CATSPER4: variants seen among roughly 807,000 people sequenced by gnomAD.
The protein encoded by CATSPER4 is cation channel sperm-associated protein 4.
A neutral mutation model predicts 54.4 loss-of-function variants in CATSPER4; 46 were observed. The ratio of observed to expected loss-of-function variants is 0.84; its 90% CI spans 0.67 to 1.08. The LOEUF (loss-of-function observed/expected upper bound fraction) is 1.08, where lower values mean the gene tolerates loss of function less well. CATSPER4 is among the 50% of genes least tolerant of loss of function. The probability of loss-of-function intolerance (pLI) is 0.00; values close to 1 mark genes in which losing one functional copy is unlikely to be tolerated. For missense variants in CATSPER4, 574 were observed against 612.8 expected (o/e 0.94, Z 0.67); for synonymous variants, 230 against 231.9 (o/e 0.99, Z 0.08).
intron 3 of CATSPER4, among the ~76,000 whole-genome samples, 193 bp downstream of exon 3, chr1:26,194,081 A>C (rs889223692): frequency 6.6e-6 from 1 of 152,182 alleles, no homozygotes; most frequent in Non-Finnish European, 1.5e-5. Context: ...CTGGGCTCCA[A>C]TTCCAATCCC....
At chr1:26,190,900 C>T in intron 1 of CATSPER4, 60 bp downstream of exon 1, 1 of 1,490,216 alleles carries the variant, frequency 6.7e-7, no homozygotes, top group Non-Finnish European at 9.2e-7. Flanking sequence ...GGGCAGCAGG[C>T]CCTCATGGTA....
At chr1:26,200,687 G>A in intron 7 of CATSPER4, 143 bp from the exon 8 acceptor site, 4 of 683,978 alleles carry the variant, frequency 5.8e-6, no homozygotes, top group Middle Eastern at 3.9e-4. Context: ...GCAAGGCAGT[G>A]AGGCTAAGAT....
intron 3 of CATSPER4, among the ~76,000 whole-genome samples, chr1:26,196,169 G>A (rs1327050439): frequency 2.4e-5 from 3 of 124,888 alleles, no homozygotes. Flanking sequence ...TTTCTTTAGA[G>A]ATGAGGTCTT....
chr1:26,199,431 C>CAAA (rs557579569), intron 6 of CATSPER4, among the ~76,000 whole-genome samples: 1 of 101,726 alleles, frequency 9.8e-6, no homozygotes, highest in African/African-American at 3.6e-5. Context: ...GACTCTGTCT[C>CAAA]AAAAAAAAAA....
rs749399581 is a variant in CATSPER4, at chr1:26,200,950, T to C, written c.1108T>C (p.Ser370Pro). 1 of 1,614,012 alleles carries C rather than the reference T, an allele frequency of 6.2e-7. No individual in the cohort carries two copies. The highest frequency in any genetic ancestry group is 8.5e-7 in the Non-Finnish European group (1 of 1,180,002). Residue 370 changes from serine (S) to proline (P), a missense_variant, in exon 8 of 10, where the codon TCA becomes CCA. By Grantham distance (74) the Ser-to-Pro change is moderately conservative. Coordinates refer to ENST00000456354, the MANE Select transcript of CATSPER4 (RefSeq NM_198137.2). ...TGCGGGAGGCCCCCTGTCGAACCTC[T>C]CAGAAAACACGTGTGACAACTTTTG... ...PLAGGPLSNLSENTCDNFCLV... is the reference protein window; with the variant it reads ...PLAGGPLSNLPENTCDNFCLV...
chr1:26,199,720 A>G (rs1477068115), intron 6 of CATSPER4, among the ~76,000 whole-genome samples, 164 bp from the exon 7 acceptor site: 1 of 152,156 alleles, frequency 6.6e-6, no homozygotes, highest in Non-Finnish European at 1.5e-5. Context: ...GGTGCTTAGT[A>G]GAGAGCAGCT....
intron 6 of CATSPER4, 47 bp downstream of exon 6, chr1:26,198,466 G>C: frequency 6.2e-7 from 1 of 1,611,906 alleles, no homozygotes; most frequent in Non-Finnish European, 8.5e-7. Context: ...ATGGGGCAGG[G>C]TAGCCGGTGG....
intron 3 of CATSPER4, among the ~76,000 whole-genome samples, chr1:26,195,063 G>A (rs1302130725): frequency 6.6e-6 from 1 of 152,138 alleles, no homozygotes; most frequent in East Asian, 1.9e-4. Flanking sequence ...CAGCCTGGGC[G>A]ACAGAGAGAG....
intron 3 of CATSPER4, among the ~76,000 whole-genome samples, chr1:26,196,402 CTTTTTTTTTTTTT>C (rs58507291): frequency 2.4e-5 from 2 of 82,456 alleles, no homozygotes; most frequent in African/African-American, 4.8e-5. Context: ...TTTTCTTTTC[CTTTTTTTTTTTTT>C]TTTTTTTTTT....
rs12138368 is a variant in CATSPER4 at position 26,193,801 on chromosome 1, G to T, written c.372G>T (p.Leu124Phe). ...CTCCCATGTAGAAACACTATGAGTT[G>T]TTCTCTACCATAGATGACATTGTGC... ...NSYLDQKHYE[L>F]FSTIDDIVLT... The change falls in exon 3 of 10, where the codon TTG becomes TTT. Residue 124 changes from leucine (L) to phenylalanine (F), a missense_variant. Physicochemically the swap from Leu to Phe is conservative, Grantham distance 22. Coordinates refer to ENST00000456354, the MANE Select transcript of CATSPER4 (RefSeq NM_198137.2). The T allele has an allele frequency of 0.078, 126,094 of 1,611,090 alleles. 5,940 individuals carry two copies. Among genetic ancestry groups the T allele is most frequent in the Non-Finnish European group, 0.094 (110,785 of 1,177,254 alleles).
Position 26,202,645 on chromosome 1 carries a change from C to T in CATSPER4, c.*103C>T. On this transcript the variant is annotated 3_prime_UTR_variant, in exon 10 of 10. Coordinates refer to ENST00000456354, the MANE Select transcript of CATSPER4 (RefSeq NM_198137.2). ...GCAGAGCCTGGCCAGAGCCCATCCT[C>T]TCCCTTATACCTGGGCAGAGGCCAG... is the stretch of plus-strand genomic sequence containing the variant. 5.4e-6 allele frequency: 6 copies of T among 1,107,468 alleles called. No homozygotes were observed. The highest frequency in any genetic ancestry group is 8.1e-6 in the Non-Finnish European group (6 of 741,756). The allele number at this position is 1,107,468 out of a possible 1,614,324, so 68.6% of individuals were successfully genotyped here. A position where few individuals can be genotyped will look rare whatever the true frequency, so the allele number is the denominator to read the frequency against.
At chr1:26,201,227 C>A in intron 8 of CATSPER4, 127 bp from the exon 9 acceptor site, 1 of 1,097,758 alleles carries the variant, frequency 9.1e-7, no homozygotes, top group Non-Finnish European at 1.4e-6. Flanking sequence ...CACAAGGGCA[C>A]AGCTCGGCCT....
In CATSPER4 at chr1:26,202,760, G is replaced by T. The variant is rs41284335; in HGVS notation, c.*218G>T. On this transcript the variant is annotated 3_prime_UTR_variant, in exon 10 of 10. Coordinates refer to ENST00000456354, the MANE Select transcript of CATSPER4 (RefSeq NM_198137.2). ...GAGAGAGGAGGATGCTGGATGATGA[G>T]AGTGGGAACCCTAGCAGCAAGGATG... 16,000 of 605,376 alleles carry T rather than the reference G, an allele frequency of 0.026. 294 individuals carry two copies. Among genetic ancestry groups the T allele is most frequent in the Middle Eastern group, 0.035 (79 of 2,244 alleles). 37.5% of individuals were successfully genotyped at this position (605,376 alleles called of 1,614,324 possible). A position where few individuals can be genotyped will look rare whatever the true frequency, so the allele number is the denominator to read the frequency against.
At chr1:26,198,151 T>G in intron 5 of CATSPER4, 74 bp downstream of exon 5, 2 of 1,613,720 alleles carry the variant, frequency 1.2e-6, no homozygotes, top group African/African-American at 1.3e-5. Context: ...AATAGAGGGG[T>G]GTCTGGAAAA....
intron 6 of CATSPER4, 142 bp downstream of exon 6, chr1:26,198,561 G>A: frequency 9.5e-7 from 1 of 1,047,332 alleles, no homozygotes; most frequent in Non-Finnish European, 1.4e-6. Flanking sequence ...TTAAACAGAG[G>A]AAAAGGAAAT....
intron 7 of CATSPER4, 123 bp downstream of exon 7, chr1:26,200,181 C>T: frequency 8.8e-7 from 1 of 1,134,418 alleles, no homozygotes; most frequent in South Asian, 1.5e-5. Flanking sequence ...AGTTGGAGGC[C>T]TGGAGGCAGC....
In CATSPER4 at chr1:26,191,569, A is replaced by G. The variant is rs571115045; in HGVS notation, c.357+139A>G. The G allele has an allele frequency of 3.9e-5, 38 of 980,524 alleles. No individual in the cohort carries two copies. The South Asian group carries it at 5.3e-4, about 14-fold the overall frequency. 60.7% of individuals were successfully genotyped at this position (980,524 alleles called of 1,614,324 possible). ...AAGGGTCTGTCAGCTCTGACCTTCTAGGAATCTGGAGATCAAGGAAGACTT... is the reference window on the plus strand; with the variant it reads ...AAGGGTCTGTCAGCTCTGACCTTCTGGGAATCTGGAGATCAAGGAAGACTT... On this transcript the variant is annotated intron_variant, in intron 2 of 9. Transcript: ENST00000456354.
chr1:26,200,998 G>A lies in CATSPER4; in HGVS notation c.1156G>A (p.Glu386Lys). 1.2e-6 allele frequency: 2 copies of A among 1,614,158 alleles called. No individual in the cohort carries two copies. Among genetic ancestry groups the A allele is most frequent in the African/African-American group, 1.3e-5 (1 of 75,036 alleles). ...TTGCTTGGTGCTTGAGGCAATACAG[G>A]AGAACCTGAGGCAGTACAAGGAGAT... ...NFCLVLEAIQENLRQYKEIRD... is the reference protein window; with the variant it reads ...NFCLVLEAIQKNLRQYKEIRD... Residue 386 changes from glutamate (E) to lysine (K), a missense_variant, in exon 8 of 10, where the codon GAG becomes AAG. Physicochemically the swap from Glu to Lys is moderately conservative, Grantham distance 56. Coordinates refer to ENST00000456354, the MANE Select transcript of CATSPER4 (RefSeq NM_198137.2).
chr1:26,201,401 CAG>C lies in CATSPER4; in HGVS notation c.1250_1251del (p.Glu417GlyfsTer35). 3 of 1,614,106 alleles carry C rather than the reference CAG, an allele frequency of 1.9e-6. No homozygotes were observed. Among genetic ancestry groups the C allele is most frequent in the South Asian group, 2.2e-5 (2 of 91,074 alleles). ...ATCCGCTTCAACCAGGAGCAGGAGTCAGAGGTGTTGAACAGGCGCTCGTCGAC... is the reference window on the plus strand; with the variant it reads ...ATCCGCTTCAACCAGGAGCAGGAGTCAGGTGTTGAACAGGCGCTCGTCGAC... On this transcript the variant is annotated frameshift_variant, in exon 9 of 10. Transcript: ENST00000456354. LOFTEE classifies it high-confidence loss of function.
Sources: allele counts gnomAD v4.1 joint callset (sites outside exome capture counted in the v4.1 genomes callset), GRCh38; gene constraint gnomAD v4.1.1; transcripts MANE v1.5; gene names NCBI Gene and HGNC (gene_info 2026-07-23, HGNC 2026-07-21).